Variants in PABPC4L observed in about 807,000 individuals in gnomAD.
PABPC4L encodes poly(A) binding protein cytoplasmic 4 like.
For synonymous variants in PABPC4L, 169 were observed against 164.1 expected, an observed-to-expected ratio of 1.03 and a Z score of -0.23; for missense variants, 452 against 451.4, an observed-to-expected ratio of 1.00 and a Z score of -0.01.
the PABPC4L span, among the ~76,000 whole-genome samples, chr4:134,037,079 T>A: frequency 6.6e-6 from 1 of 151,532 alleles, no homozygotes; most frequent in Non-Finnish European, 1.5e-5. Context: ...AAATGGGTAA[T>A]ATGATACCTC....
chr4:134,026,023 G>T, the PABPC4L span, among the ~76,000 whole-genome samples: 1 of 151,992 alleles, frequency 6.6e-6, no homozygotes, highest in African/African-American at 2.4e-5. Flanking sequence ...AATGCCAATG[G>T]CAATATTTTA....
At chr4:134,102,551 T>C in the PABPC4L span, among the ~76,000 whole-genome samples, 2 of 151,364 alleles carry the variant, frequency 1.3e-5, no homozygotes, top group East Asian at 3.9e-4. Flanking sequence ...AAAGGAAGAG[T>C]AATGATTTTG....
the PABPC4L span, among the ~76,000 whole-genome samples, chr4:134,037,684 G>A: frequency 6.6e-6 from 1 of 152,076 alleles, no homozygotes; most frequent in Non-Finnish European, 1.5e-5. Flanking sequence ...AATCATCATG[G>A]AAATGCAAAT....
At chr4:134,108,893 C>T in the PABPC4L span, among the ~76,000 whole-genome samples, 1 of 151,842 alleles carries the variant, frequency 6.6e-6, no homozygotes, top group Admixed American at 6.6e-5. Flanking sequence ...TTTTAATTGC[C>T]TAATAATGTG....
At chr4:134,110,349 A>G in the PABPC4L span, among the ~76,000 whole-genome samples, 3 of 152,058 alleles carry the variant, frequency 2.0e-5, no homozygotes, top group East Asian at 1.9e-4. Flanking sequence ...TGTAGGGTTT[A>G]TTAAAAAGAA....
the PABPC4L span, among the ~76,000 whole-genome samples, chr4:134,139,540 C>A: frequency 6.6e-6 from 1 of 151,900 alleles, no homozygotes; most frequent in African/African-American, 2.4e-5. Context: ...CATAACTATA[C>A]TCTGTAATAA....
At chr4:133,962,042 C>T in the PABPC4L span, among the ~76,000 whole-genome samples, 10 of 152,112 alleles carry the variant, frequency 6.6e-5, no homozygotes, top group African/African-American at 2.2e-4. Flanking sequence ...AAAAAGGACC[C>T]CCCAGTAACA....
the PABPC4L span, among the ~76,000 whole-genome samples, chr4:134,084,555 C>T: frequency 6.6e-6 from 1 of 151,762 alleles, no homozygotes; most frequent in African/African-American, 2.4e-5. Context: ...ACATTATATG[C>T]AATTTATCTT....
At chr4:134,034,368 G>A in the PABPC4L span, among the ~76,000 whole-genome samples, 3 of 151,870 alleles carry the variant, frequency 2.0e-5, no homozygotes, top group African/African-American at 7.2e-5. Context: ...TTGTTTTCAT[G>A]CCTATTAACA....
the PABPC4L span, among the ~76,000 whole-genome samples, chr4:134,069,039 T>C: frequency 2.6e-5 from 4 of 152,240 alleles, no homozygotes; most frequent in East Asian, 7.7e-4. Flanking sequence ...CAAGTTCCCT[T>C]AGCATTTGCT....
At chr4:134,005,060 T>C in the PABPC4L span, among the ~76,000 whole-genome samples, 7 of 151,944 alleles carry the variant, frequency 4.6e-5, no homozygotes, top group African/African-American at 1.7e-4. Flanking sequence ...ATGGTGACTA[T>C]AATAATGATA....
At chr4:134,189,456 A>G in the PABPC4L span, among the ~76,000 whole-genome samples, 6 of 152,272 alleles carry the variant, frequency 3.9e-5, no homozygotes, top group Admixed American at 3.9e-4. Context: ...ATACATACAT[A>G]TATACATGGT....
chr4:134,077,118 GT>G, the PABPC4L span, among the ~76,000 whole-genome samples: 1 of 152,062 alleles, frequency 6.6e-6, no homozygotes, highest in African/African-American at 2.4e-5. Flanking sequence ...TAAATTGTAT[GT>G]TTATGGGTAT....
chr4:134,097,554 TA>T, the PABPC4L span, among the ~76,000 whole-genome samples: 1 of 151,858 alleles, frequency 6.6e-6, no homozygotes, highest in African/African-American at 2.4e-5. Context: ...CTGGAACCAG[TA>T]CCCCTAAATG....
the PABPC4L span, among the ~76,000 whole-genome samples, chr4:134,020,038 C>T: frequency 2.6e-5 from 4 of 152,078 alleles, no homozygotes; most frequent in Admixed American, 1.3e-4. Flanking sequence ...CTGAAATATT[C>T]CTTGAATAAT....
chr4:134,065,519 A>T, the PABPC4L span, among the ~76,000 whole-genome samples: 1 of 152,030 alleles, frequency 6.6e-6, no homozygotes, highest in Non-Finnish European at 1.5e-5. Context: ...TAAATTAAAC[A>T]AATTTATATT....
At chr4:133,977,760 C>A in the PABPC4L span, among the ~76,000 whole-genome samples, 1 of 152,140 alleles carries the variant, frequency 6.6e-6, no homozygotes, top group Non-Finnish European at 1.5e-5. Flanking sequence ...TAGACTACTA[C>A]AAAATCAACC....
the PABPC4L span, among the ~76,000 whole-genome samples, chr4:134,070,539 C>A: frequency 6.6e-6 from 1 of 151,990 alleles, no homozygotes; most frequent in Non-Finnish European, 1.5e-5. Context: ...GGGTGAGGTA[C>A]GCTCATGCCA....
At chr4:134,056,015 T>G in the PABPC4L span, among the ~76,000 whole-genome samples, 1 of 151,972 alleles carries the variant, frequency 6.6e-6, no homozygotes, top group Non-Finnish European at 1.5e-5. Context: ...ATAGATTGAG[T>G]TTTATTTTTT....
Sources: allele counts gnomAD v4.1 joint callset (sites outside exome capture counted in the v4.1 genomes callset), GRCh38; gene constraint gnomAD v4.1.1; transcripts MANE v1.5; gene names NCBI Gene and HGNC (gene_info 2026-07-23, HGNC 2026-07-21).